The following ZNF451 variants were observed in gnomAD, a reference collection of about 807,000 sequenced individuals.
ZNF451 encodes the protein E3 SUMO-protein ligase ZNF451.
ZNF451 carries 80 observed loss-of-function variants against 107.1 expected under a neutral mutation model. The observed-to-expected ratio is 0.75, with a 90% CI of 0.62 to 0.90. The LOEUF is 0.90. ZNF451 is among the 40% of genes least tolerant of loss of function. ZNF451 has a pLI of 0.00. For missense variants in ZNF451, 1,107 were observed against 1,236.2 expected (o/e 0.90, Z 1.57); for synonymous variants, 362 against 406.5 (o/e 0.89, Z 1.32).
chr6:57,108,910 A>G (rs746228375), intron 3 of ZNF451: 50 of 985,316 alleles, frequency 5.1e-5, no homozygotes, highest in Admixed American at 6.1e-5. Flanking sequence ...TGAGCTTTAA[A>G]TATGGACTTT....
At chr6:57,124,078 A>C (rs138374345) in intron 3 of ZNF451, among the ~76,000 whole-genome samples, 1 of 152,246 alleles carries the variant, frequency 6.6e-6, no homozygotes, top group Non-Finnish European at 1.5e-5. Flanking sequence ...CTTGTTCCTT[A>C]TCTTAGTGTG....
intron 11 of ZNF451, 130 bp from the exon 12 acceptor site, chr6:57,152,091 T>G: frequency 1.4e-6 from 1 of 703,282 alleles, no homozygotes; most frequent in Non-Finnish European, 2.2e-6. Context: ...TAGGATGGAG[T>G]TCTTCCACAT....
intron 13 of ZNF451, chr6:57,158,397 A>T: frequency 2.1e-6 from 1 of 466,940 alleles, no homozygotes; most frequent in Non-Finnish European, 2.8e-6. Context: ...TTTGGTTGTG[A>T]GTTCTGGTGC....
intron 8 of ZNF451, among the ~76,000 whole-genome samples, 177 bp from the exon 9 acceptor site, chr6:57,141,771 T>C (rs1831776319): frequency 6.6e-6 from 1 of 152,202 alleles, no homozygotes; most frequent in African/African-American, 2.4e-5. Context: ...AATTTGAGTA[T>C]AAGTAAGGCA....
At chr6:57,135,973 C>G (rs1214240845) in intron 7 of ZNF451, among the ~76,000 whole-genome samples, 1 of 152,184 alleles carries the variant, frequency 6.6e-6, no homozygotes, top group Non-Finnish European at 1.5e-5. Context: ...TGTAGGTTCA[C>G]AGCAGAGAAT....
chr6:57,148,712 AT>A lies in ZNF451; in HGVS notation c.2608+20del, dbSNP rs1303317530. 1.3e-6 allele frequency: 2 copies of A among 1,553,648 alleles called. No individual in the cohort carries two copies. The highest frequency in any genetic ancestry group is 2.8e-5 in the African/African-American group (2 of 72,614). On this transcript the variant is annotated intron_variant, in intron 10 of 14. Coordinates refer to ENST00000370706, the MANE Select transcript of ZNF451 (RefSeq NM_001031623.3). Reference sequence around the variant, plus strand: ...AATATAGGTATGGCTTTATAGCTCTATGCAAATTTCATATACTGATATTGAA... The same window carrying A: ...AATATAGGTATGGCTTTATAGCTCTAGCAAATTTCATATACTGATATTGAA...
chr6:57,141,471 C>T lies in ZNF451; in HGVS notation c.856+16C>T, dbSNP rs764710207. On this transcript the variant is annotated intron_variant, in intron 8 of 14. Coordinates refer to ENST00000370706, the MANE Select transcript of ZNF451 (RefSeq NM_001031623.3). ...AAACTGGGTGGTATGTTAATACTCT[C>T]TTCTGCTGAAAATTAAACTACTTGA... 1 of 1,584,920 alleles carries T rather than the reference C, an allele frequency of 6.3e-7. No homozygotes were observed. The highest frequency in any genetic ancestry group is 8.6e-7 in the Non-Finnish European group (1 of 1,162,804).
chr6:57,136,312 T>C (rs773521176), intron 7 of ZNF451, among the ~76,000 whole-genome samples: 41 of 152,306 alleles, frequency 2.7e-4, no homozygotes, highest in Non-Finnish European at 5.9e-4. Flanking sequence ...GGACTTCTAA[T>C]TCTATAGCCC....
At chr6:57,092,700 T>A (rs1829105846) in intron 2 of ZNF451, 1 of 152,194 alleles carries the variant, frequency 6.6e-6, no homozygotes, top group Admixed American at 6.5e-5. Flanking sequence ...TTTTTTCAGA[T>A]AAAAAATGAG....
intron 3 of ZNF451, chr6:57,102,972 A>T (rs958352380): frequency 1.0e-6 from 1 of 985,276 alleles, no homozygotes; most frequent in African/African-American, 1.7e-5. Context: ...GTAGTCTCTC[A>T]CTGTAAGCTG....
chr6:57,161,207 T>A (rs1013925326), intron 14 of ZNF451, 55 bp downstream of exon 14: 75 of 1,073,130 alleles, frequency 7.0e-5, no homozygotes, highest in Admixed American at 2.3e-4. Flanking sequence ...ATTTTTTTTT[T>A]AAATTTCTCT....
At chr6:57,158,873 G>C (rs1763547238) in intron 13 of ZNF451, 1 of 985,264 alleles carries the variant, frequency 1.0e-6, no homozygotes, top group East Asian at 1.1e-4. Context: ...CAGTAAGTAG[G>C]GTTGGCATCT....
Position 57,134,811 on chromosome 6 carries a change from G to A in ZNF451, c.643G>A (p.Val215Ile). The A allele has an allele frequency of 6.2e-7, 1 of 1,612,538 alleles. No homozygotes were observed. Among genetic ancestry groups the A allele is most frequent in the Non-Finnish European group, 8.5e-7 (1 of 1,179,276 alleles). Reference sequence around the variant, plus strand: ...ACCTTTCTTCAGCTCCTTTGCTTGTGTAGTATGTTATAAAAAATTTGTTAC... The same window carrying A: ...ACCTTTCTTCAGCTCCTTTGCTTGTATAGTATGTTATAAAAAATTTGTTAC... ...HGPFFSSFAC[V>I]VCYKKFVTQQ... Residue 215 changes from valine to isoleucine, a missense_variant, in exon 7 of 15, where the codon GTA (valine) becomes ATA (isoleucine). By Grantham distance (29) the Val-to-Ile change is conservative (BLOSUM62 3). Around this residue, in one of 5 missense-constraint regions of ZNF451, gnomAD observed 339 missense variants for 372.8 expected, o/e 0.91. Transcript: ENST00000370706.
At chr6:57,162,966 ATAAAATCCTT>A (rs1163559848) in intron 14 of ZNF451, among the ~76,000 whole-genome samples, 1 of 152,232 alleles carries the variant, frequency 6.6e-6, no homozygotes. Context: ...AGAGGTGGGG[ATAAAATCCTT>A]TAATTCCAAG....
intron 3 of ZNF451, chr6:57,109,717 T>C: frequency 5.2e-6 from 5 of 956,278 alleles, no homozygotes; most frequent in Non-Finnish European, 5.0e-6. Flanking sequence ...TAAAGTAAAA[T>C]AGTCTCTTTT....
In ZNF451 at chr6:57,123,440, A is replaced by G. The variant is rs575663210; in HGVS notation, c.187-1294A>G. On this transcript the variant is annotated intron_variant, in intron 3 of 14. Transcript: ENST00000370706. ...AAACGAGTACCATATGTTCTCATTTATAAGTGGGAGCTAAATCTTGGGTTC... is the reference window on the plus strand; with the variant it reads ...AAACGAGTACCATATGTTCTCATTTGTAAGTGGGAGCTAAATCTTGGGTTC... Among the ~76,000 whole-genome samples the G allele has an allele frequency of 8.4e-4, 128 of 152,358 alleles. No homozygotes were observed. In the Middle Eastern group the frequency reaches 0.014, roughly 16 times the overall value.
At chr6:57,167,679 A>G (rs975708746) in intron 14 of ZNF451, among the ~76,000 whole-genome samples, 9 of 152,126 alleles carry the variant, frequency 5.9e-5, no homozygotes, top group Admixed American at 5.9e-4. Context: ...GGATGAGATA[A>G]ATCTGGTGTG....
At chr6:57,150,213 G>A (rs1832279941) in intron 10 of ZNF451, among the ~76,000 whole-genome samples, 1 of 152,128 alleles carries the variant, frequency 6.6e-6, no homozygotes, top group Non-Finnish European at 1.5e-5. Flanking sequence ...ATGGCAGCAG[G>A]ATTCTAGGTT....
chr6:57,147,188 A>C lies in ZNF451; in HGVS notation c.1103A>C (p.Asn368Thr). 6.2e-7 allele frequency: 1 copy of C among 1,614,124 alleles called. No homozygotes were observed. Among genetic ancestry groups the C allele is most frequent in the Non-Finnish European group, 8.5e-7 (1 of 1,179,960 alleles). Reference protein sequence around the residue: ...FILRGYCPDCNQVFVDETSTQ... With the variant: ...FILRGYCPDCTQVFVDETSTQ... The stretch of plus-strand genomic sequence containing the variant: ...TTAAGAGGTTATTGTCCAGATTGCA[A>C]TCAAGTCTTTGTGGATGAAACCAGC... The change falls in exon 10 of 15, where the codon AAT (asparagine) becomes ACT (threonine). Residue 368 changes from asparagine to threonine, a missense_variant. Asn to Thr is a moderately conservative substitution (Grantham distance 65). This residue lies in a region of ZNF451 where 608 missense variants were observed against 649.2 expected (regional missense o/e 0.94). Transcript: ENST00000370706.
Sources: gnomAD v4.1 joint callset for allele counts (sites outside exome capture counted in the v4.1 genomes callset) on GRCh38, gnomAD v4.1.1 for gene constraint, gnomAD v4.1.1 regional missense constraint, MANE v1.5 for transcripts, NCBI Gene and HGNC (gene_info 2026-07-23, HGNC 2026-07-21) for gene names.